The following TAFA2 variants were observed in gnomAD, a reference collection of about 807,000 sequenced individuals.
TAFA2 encodes the protein chemokine-like protein TAFA-2.
In TAFA2, 7 loss-of-function variants were observed where a neutral mutation model predicts 18.8. The ratio of observed to expected loss-of-function variants is 0.37; its 90% confidence interval spans 0.21 to 0.70. The LOEUF is 0.70. TAFA2 is among the 30% of genes least tolerant of loss of function. The probability of loss-of-function intolerance (pLI) is 0.53; values close to 1 mark genes in which losing one functional copy is unlikely to be tolerated. For missense variants in TAFA2, 122 were observed against 158.1 expected (o/e 0.77, Z 1.23); for synonymous variants, 60 against 54.2 (o/e 1.11, Z -0.47).
chr12:62,106,388 G>A (rs1035509318), intron 1 of TAFA2, among the ~76,000 whole-genome samples: 2 of 151,664 alleles, frequency 1.3e-5, no homozygotes, highest in African/African-American at 4.8e-5. Flanking sequence ...AAAAACAAAC[G>A]AACAAACAAA....
At chr12:62,040,901 A>G (rs893338937) in intron 1 of TAFA2, among the ~76,000 whole-genome samples, 10 of 152,132 alleles carry the variant, frequency 6.6e-5, no homozygotes, top group African/African-American at 2.2e-4. Flanking sequence ...TTCTAAAATG[A>G]CCTTTCTGGT....
intron 1 of TAFA2, among the ~76,000 whole-genome samples, chr12:62,122,965 C>T (rs966335029): frequency 1.3e-5 from 2 of 152,144 alleles, no homozygotes; most frequent in African/African-American, 4.8e-5. Flanking sequence ...ATGCATAAAA[C>T]CAGTCATCAT....
chr12:62,248,152 C>A (rs1443260116), intron 1 of TAFA2, among the ~76,000 whole-genome samples: 7 of 152,218 alleles, frequency 4.6e-5, no homozygotes, highest in Non-Finnish European at 8.8e-5. Context: ...ACCAGGTCAC[C>A]ACACATGAGC....
chr12:62,162,400 C>G (rs865876832), intron 1 of TAFA2, among the ~76,000 whole-genome samples: 1 of 152,166 alleles, frequency 6.6e-6, no homozygotes, highest in South Asian at 2.1e-4. Flanking sequence ...AGAAGTAGTT[C>G]CTGTTTATCT....
chr12:62,073,784 C>T (rs1882694270), intron 1 of TAFA2, among the ~76,000 whole-genome samples: 1 of 152,146 alleles, frequency 6.6e-6, no homozygotes, highest in Non-Finnish European at 1.5e-5. Context: ...AACTGACAGG[C>T]CATGAACCAA....
At chr12:61,851,020 A>G (rs1873620085) in intron 2 of TAFA2, among the ~76,000 whole-genome samples, 1 of 152,252 alleles carries the variant, frequency 6.6e-6, no homozygotes, top group South Asian at 2.1e-4. Context: ...CAGCATATTT[A>G]AAGGAAAAGA....
chr12:61,928,309 TACAA>T (rs1299961302), intron 1 of TAFA2, among the ~76,000 whole-genome samples: 15 of 152,232 alleles, frequency 9.9e-5, no homozygotes, highest in Non-Finnish European at 1.6e-4. Context: ...TAAACAAATT[TACAA>T]ACAAACAAAC....
intron 1 of TAFA2, among the ~76,000 whole-genome samples, chr12:62,185,110 C>T (rs1045393900): frequency 7.9e-5 from 12 of 152,138 alleles, no homozygotes; most frequent in African/African-American, 2.7e-4. Context: ...TATTTATAAG[C>T]ATGCCAATTA....
chr12:61,960,108 T>A (rs1442704649), intron 1 of TAFA2, among the ~76,000 whole-genome samples: 1 of 152,122 alleles, frequency 6.6e-6, no homozygotes, highest in Non-Finnish European at 1.5e-5. Flanking sequence ...ATTTTTAAGA[T>A]TTTTATTTGT....
chr12:61,714,851 C>A (rs2120557495), intron 4 of TAFA2, among the ~76,000 whole-genome samples: 1 of 152,308 alleles, frequency 6.6e-6, no homozygotes, highest in South Asian at 2.1e-4. Context: ...GTCCTGCTGA[C>A]TAGGTTATCC....
chr12:61,940,944 T>C (rs915340374), intron 1 of TAFA2, among the ~76,000 whole-genome samples: 1 of 152,190 alleles, frequency 6.6e-6, no homozygotes, highest in Non-Finnish European at 1.5e-5. Context: ...CCACTAGCTA[T>C]ATGTGGCTAC....
At chr12:62,164,376 CCTTA>C (rs1482752183) in intron 1 of TAFA2, among the ~76,000 whole-genome samples, 1 of 152,078 alleles carries the variant, frequency 6.6e-6, no homozygotes, top group Non-Finnish European at 1.5e-5. Flanking sequence ...AGCCAGGCAG[CCTTA>C]CTGAGACACT....
intron 2 of TAFA2, among the ~76,000 whole-genome samples, chr12:61,756,299 T>G (rs563072177): frequency 1.3e-5 from 2 of 152,208 alleles, no homozygotes; most frequent in East Asian, 3.9e-4. Context: ...ACTGTAGATA[T>G]AAATTGGAAT....
rs572608996 is a variant in TAFA2, at chr12:62,172,753, C to T, written c.-2+18506G>A. The stretch of plus-strand genomic sequence containing the variant: ...TTGCACACTGAAAGCTAAAGGAACA[C>T]GCAAAATATTTTCACATATTAAGAT... On this transcript the variant is annotated intron_variant, in intron 1 of 4. Transcript: ENST00000416284. Among the ~76,000 whole-genome samples, 7 of 152,200 alleles carry T rather than the reference C, an allele frequency of 4.6e-5. No individual in the cohort carries two copies. The South Asian group carries it at 6.2e-4, about 14-fold the overall frequency.
chr12:62,091,061 G>A (rs537975450), intron 1 of TAFA2, among the ~76,000 whole-genome samples: 1 of 151,968 alleles, frequency 6.6e-6, no homozygotes, highest in Non-Finnish European at 1.5e-5. Flanking sequence ...TATTTGTTGA[G>A]TGCTTCATAT....
chr12:62,234,685 C>T (rs1019954307), intron 1 of TAFA2: 25 of 1,015,998 alleles, frequency 2.5e-5, no homozygotes, highest in African/African-American at 2.2e-4. Context: ...CCGCAGTTCT[C>T]GTAGTTGCAG....
intron 1 of TAFA2, among the ~76,000 whole-genome samples, chr12:61,963,863 A>G (rs896634803): frequency 6.6e-6 from 1 of 152,072 alleles, no homozygotes; most frequent in Non-Finnish European, 1.5e-5. Context: ...ACAGCATGGT[A>G]CTGGTACCAA....
chr12:62,236,946 T>C (rs1447180305), intron 1 of TAFA2, among the ~76,000 whole-genome samples: 2 of 152,230 alleles, frequency 1.3e-5, no homozygotes, highest in African/African-American at 2.4e-5. Context: ...GTTGAATCTG[T>C]TTGGTGATAT....
intron 1 of TAFA2, among the ~76,000 whole-genome samples, chr12:62,065,806 G>C (rs1443749172): frequency 1.3e-5 from 2 of 151,628 alleles, no homozygotes; most frequent in Admixed American, 6.6e-5. Flanking sequence ...ATTTACACCT[G>C]TACTCAGCCT....
Sources: gnomAD v4.1 joint callset for allele counts (sites outside exome capture counted in the v4.1 genomes callset) on GRCh38, gnomAD v4.1.1 for gene constraint, MANE v1.5 for transcripts, NCBI Gene and HGNC (gene_info 2026-07-23, HGNC 2026-07-21) for gene names.